The following AGBL4 variants were observed in gnomAD, a reference collection of about 807,000 sequenced individuals.
The protein encoded by AGBL4 is AGBL carboxypeptidase 4, also known as cytosolic carboxypeptidase 6.
AGBL4 carries 58 observed loss-of-function variants against 66.4 expected under a neutral mutation model. That is an observed-to-expected ratio of 0.87 (90% CI 0.71 to 1.09). The LOEUF (loss-of-function observed/expected upper bound fraction) is 1.09, where lower values mean the gene tolerates loss of function less well. AGBL4 is among the 50% of genes least tolerant of loss of function. The pLI is 0.00. For missense variants in AGBL4, 579 were observed against 631.0 expected, an observed-to-expected ratio of 0.92 and a Z score of 0.88; for synonymous variants, 234 against 222.9, an observed-to-expected ratio of 1.05 and a Z score of -0.44.
At chr1:49,402,569 CTT>C (rs111878788) in intron 3 of AGBL4, among the ~76,000 whole-genome samples, 12 of 137,742 alleles carry the variant, frequency 8.7e-5, no homozygotes, top group Admixed American at 2.9e-4. Flanking sequence ...TTTTGAATGC[CTT>C]TTTTTTTTTT....
At chr1:49,983,427 A>C (rs1659240410) in intron 1 of AGBL4, among the ~76,000 whole-genome samples, 1 of 152,232 alleles carries the variant, frequency 6.6e-6, no homozygotes, top group Non-Finnish European at 1.5e-5. Flanking sequence ...GGCTGTGCAC[A>C]GTGGTGGGAC....
chr1:49,571,016 T>C (rs1644315657), intron 3 of AGBL4, among the ~76,000 whole-genome samples: 1 of 152,098 alleles, frequency 6.6e-6, no homozygotes. Flanking sequence ...AGTCACATAA[T>C]ATGATGCCTC....
At chr1:49,005,277 AT>A (rs1460219450) in intron 5 of AGBL4, among the ~76,000 whole-genome samples, 1 of 152,178 alleles carries the variant, frequency 6.6e-6, no homozygotes, top group Non-Finnish European at 1.5e-5. Context: ...ATCCATTTTC[AT>A]TTTCCATGGT....
At chr1:49,099,979 A>G (rs2147999051) in intron 4 of AGBL4, among the ~76,000 whole-genome samples, 1 of 152,252 alleles carries the variant, frequency 6.6e-6, no homozygotes, top group South Asian at 2.1e-4. Flanking sequence ...GTGGGCAGGA[A>G]CAGTCCAGGG....
chr1:49,551,501 G>T (rs565183536), intron 3 of AGBL4, among the ~76,000 whole-genome samples: 2 of 152,126 alleles, frequency 1.3e-5, no homozygotes, highest in South Asian at 4.1e-4. Flanking sequence ...CCTTCATGTT[G>T]TACTCTCCCC....
Position 48,969,337 on chromosome 1 carries a change from C to T in AGBL4, c.594+76247G>A, listed in dbSNP as rs905170452. Among the ~76,000 whole-genome samples, 11 of 152,226 alleles carry T rather than the reference C, an allele frequency of 7.2e-5. No individual in the cohort carries two copies. The South Asian group carries it at 1.2e-3, about 17-fold the overall frequency. On this transcript the variant is annotated intron_variant, in intron 5 of 13. Transcript: ENST00000371839. ...CTCTTCCTCAGTGCCCTCTATTTGT[C>T]GGAAATGCACTCTTTGCAGTCTCCT...
chr1:49,839,907 G>A (rs1645947334), intron 2 of AGBL4, among the ~76,000 whole-genome samples: 1 of 152,116 alleles, frequency 6.6e-6, no homozygotes, highest in Non-Finnish European at 1.5e-5. Flanking sequence ...CACTGGTCAG[G>A]ACAAAAATTT....
rs1644441703 is a variant in AGBL4, at chr1:48,564,320, A to G, written c.1267+22684T>C. ...ACAGTTCTGTACTTTCCCTGGATCA[A>G]GTCCAAACCCATTAATCATGGTAGT... On this transcript the variant is annotated intron_variant, in intron 11 of 13. Coordinates refer to ENST00000371839, the MANE Select transcript of AGBL4 (RefSeq NM_032785.4). Among the ~76,000 whole-genome samples the G allele has an allele frequency of 2.0e-5, 3 of 152,014 alleles. No individual in the cohort carries two copies. In the South Asian group the frequency reaches 6.2e-4, roughly 32 times the overall value.
At chr1:49,299,310 C>A (rs983728042) in intron 3 of AGBL4, among the ~76,000 whole-genome samples, 1 of 152,238 alleles carries the variant, frequency 6.6e-6, no homozygotes, top group African/African-American at 2.4e-5. Flanking sequence ...TAATAACATG[C>A]CTAAGGTAAC....
rs141784189 is a variant in AGBL4 at position 50,004,757 on chromosome 1, A to G, written c.34+19006T>C. Among the ~76,000 whole-genome samples, 58 of 152,262 alleles carry G rather than the reference A, an allele frequency of 3.8e-4. 1 individual carries two copies. In the East Asian group the frequency reaches 0.011, roughly 28 times the overall value. ...TTAATGAGCCCTTGGACCCTGAATA[A>G]TCAGCAACTGTATCCAGGCAGTGGG... On this transcript the variant is annotated intron_variant, in intron 1 of 13. Transcript: ENST00000371839.
chr1:49,422,161 A>G (rs933830048), intron 3 of AGBL4, among the ~76,000 whole-genome samples: 1 of 152,226 alleles, frequency 6.6e-6, no homozygotes, highest in African/African-American at 2.4e-5. Context: ...TCAGCAATAT[A>G]GATGCAGGCA....
At chr1:49,308,082 G>C (rs114191076) in intron 3 of AGBL4, among the ~76,000 whole-genome samples, 1 of 152,038 alleles carries the variant, frequency 6.6e-6, no homozygotes, top group Non-Finnish European at 1.5e-5. Flanking sequence ...CTGCTCCTGA[G>C]GCATGCTCCT....
chr1:49,274,241 C>A (rs1644120339), intron 3 of AGBL4, among the ~76,000 whole-genome samples: 3 of 152,190 alleles, frequency 2.0e-5, no homozygotes, highest in Admixed American at 2.0e-4. Flanking sequence ...ATTTCAAATT[C>A]TAAATTCAGT....
chr1:48,979,263 A>C (rs553639054), intron 5 of AGBL4, among the ~76,000 whole-genome samples: 56 of 152,298 alleles, frequency 3.7e-4, no homozygotes, highest in Non-Finnish European at 7.2e-4. Flanking sequence ...ATCTTGTGAC[A>C]CAGAGTATTC....
intron 6 of AGBL4, among the ~76,000 whole-genome samples, chr1:48,676,861 T>C (rs1432566832): frequency 1.3e-5 from 2 of 152,134 alleles, no homozygotes; most frequent in Non-Finnish European, 2.9e-5. Flanking sequence ...AAGATTCTAG[T>C]TCAGTGTTCT....
chr1:48,613,416 C>G (rs1645270056), intron 9 of AGBL4, among the ~76,000 whole-genome samples: 1 of 152,148 alleles, frequency 6.6e-6, no homozygotes, highest in South Asian at 2.1e-4. Context: ...TCTGATTCAG[C>G]AATAAAGTAA....
At chr1:49,867,331 T>TTTA (rs1646727111) in intron 1 of AGBL4, among the ~76,000 whole-genome samples, 1 of 148,108 alleles carries the variant, frequency 6.8e-6, no homozygotes, top group African/African-American at 2.5e-5. Flanking sequence ...ATATATATAT[T>TTTA]TATATATATA....
chr1:49,688,643 G>T (rs1322733625), intron 3 of AGBL4, among the ~76,000 whole-genome samples: 2 of 152,136 alleles, frequency 1.3e-5, no homozygotes. Context: ...TTTGAAAAAG[G>T]TCCAAAACTG....
chr1:49,049,343 C>T (rs1644155374), intron 4 of AGBL4, among the ~76,000 whole-genome samples: 1 of 152,072 alleles, frequency 6.6e-6, no homozygotes, highest in African/African-American at 2.4e-5. Context: ...TTTAACACAG[C>T]TCTTCTCTAA....
Sources: gnomAD v4.1 joint callset for allele counts (sites outside exome capture counted in the v4.1 genomes callset) on GRCh38, gnomAD v4.1.1 for gene constraint, MANE v1.5 for transcripts, NCBI Gene and HGNC (gene_info 2026-07-23, HGNC 2026-07-21) for gene names.